The following HECW2 variants were observed in gnomAD, a reference collection of about 807,000 sequenced individuals.
HECW2 encodes the protein HECT, C2 and WW domain containing E3 ubiquitin protein ligase 2, also known as E3 ubiquitin-protein ligase HECW2.
HECW2 carries 61 observed loss-of-function variants against 175.2 expected under a neutral mutation model. The ratio of observed to expected loss-of-function variants is 0.35; its 90% CI spans 0.28 to 0.43. The LOEUF is 0.43. Ranked by LOEUF, HECW2 falls within the 20% of genes least tolerant of loss-of-function variation. The pLI, the probability that HECW2 is intolerant of heterozygous loss-of-function variation, is 1.00. For synonymous variants in HECW2, 671 were observed against 731.0 expected, an observed-to-expected ratio of 0.92 and a Z score of 1.32; for missense variants, 1,524 against 2,000.5, an observed-to-expected ratio of 0.76 and a Z score of 4.54.
intron 1 of HECW2, among the ~76,000 whole-genome samples, chr2:196,517,578 T>A (rs1344034235): frequency 6.6e-6 from 1 of 152,224 alleles, no homozygotes; most frequent in Non-Finnish European, 1.5e-5. Flanking sequence ...CTTTGGCAAG[T>A]ATCAGTATCC....
chr2:196,386,240 TA>T (rs1163955441), intron 2 of HECW2, among the ~76,000 whole-genome samples: 3 of 152,252 alleles, frequency 2.0e-5, no homozygotes, highest in Non-Finnish European at 4.4e-5. Flanking sequence ...CATATTAAGG[TA>T]AATCATATAG....
At chr2:196,518,793 T>C (rs1023925511) in intron 1 of HECW2, among the ~76,000 whole-genome samples, 1 of 152,106 alleles carries the variant, frequency 6.6e-6, no homozygotes, top group Non-Finnish European at 1.5e-5. Context: ...TGCTGCCCTC[T>C]TGCCCACCTG....
intron 13 of HECW2, among the ~76,000 whole-genome samples, chr2:196,300,263 T>A (rs1690995033): frequency 6.6e-6 from 1 of 152,244 alleles, no homozygotes; most frequent in Admixed American, 6.5e-5. Context: ...TTTGCTTACA[T>A]GTTGTCTTTG....
chr2:196,456,328 C>T (rs1260625201), intron 1 of HECW2, among the ~76,000 whole-genome samples: 1 of 152,168 alleles, frequency 6.6e-6, no homozygotes, highest in Non-Finnish European at 1.5e-5. Flanking sequence ...ATTTACTGAA[C>T]ATTTATAAAT....
chr2:196,407,001 T>A (rs1283139944), intron 2 of HECW2, among the ~76,000 whole-genome samples: 7 of 152,118 alleles, frequency 4.6e-5, no homozygotes, highest in Non-Finnish European at 1.0e-4. Flanking sequence ...GCTCCACAAG[T>A]TGGGAGACGC....
intron 14 of HECW2, among the ~76,000 whole-genome samples, chr2:196,284,532 G>C (rs1478000980): frequency 2.0e-5 from 3 of 152,202 alleles, no homozygotes; most frequent in Non-Finnish European, 4.4e-5. Context: ...GGTTTCCTTA[G>C]TGCTTTGCTT....
In HECW2 at chr2:196,195,955, T is replaced by C. The variant is rs1686672080; in HGVS notation, c.*5322A>G. 1 of 152,216 alleles carries C rather than the reference T, an allele frequency of 6.6e-6. No homozygotes were observed. Among genetic ancestry groups the C allele is most frequent in the African/African-American group, 2.4e-5 (1 of 41,458 alleles). 9.4% of individuals were successfully genotyped at this position (152,216 alleles called of 1,614,324 possible). ...CAAACTGTGCCTTCATCAGGGAGCA[T>C]AGCTTTCTTCTTCTCAGTCTGAAAC... On this transcript the variant is annotated 3_prime_UTR_variant, in exon 29 of 29. Transcript: ENST00000644978.
Position 196,381,734 on chromosome 2 carries a change from G to C in HECW2, c.293-37970C>G, listed in dbSNP as rs1356117575. 2.6e-5 allele frequency among the ~76,000 whole-genome samples: 4 copies of C among 152,230 alleles called. No homozygotes were observed. In the East Asian group the frequency reaches 7.7e-4, roughly 29 times the overall value. The stretch of plus-strand genomic sequence containing the variant: ...TGTGGACCATGACTAGAAGTCTAGT[G>C]TGATATAAAGAAGACAGCTTTCCTA... On this transcript the variant is annotated intron_variant, in intron 2 of 28. Coordinates refer to ENST00000644978, the MANE Select transcript of HECW2 (RefSeq NM_001348768.2).
intron 1 of HECW2, among the ~76,000 whole-genome samples, chr2:196,533,307 CTCTA>C (rs1688904416): frequency 6.6e-6 from 1 of 152,176 alleles, no homozygotes. Context: ...AACCAATGAC[CTCTA>C]TCTATTTCCA....
chr2:196,541,965 A>G (rs973443981), intron 1 of HECW2, among the ~76,000 whole-genome samples: 2 of 152,114 alleles, frequency 1.3e-5, no homozygotes, highest in African/African-American at 4.8e-5. Context: ...GGAATGTAAC[A>G]TAGAAAAAGA....
At chr2:196,208,058 C>T (rs1173468422) in intron 28 of HECW2, among the ~76,000 whole-genome samples, 2 of 152,160 alleles carry the variant, frequency 1.3e-5, no homozygotes, top group African/African-American at 4.8e-5. Flanking sequence ...CCCTGTAAGT[C>T]CAAACAAAAT....
chr2:196,426,719 T>C (rs917869511), intron 2 of HECW2, among the ~76,000 whole-genome samples: 5 of 152,132 alleles, frequency 3.3e-5, no homozygotes, highest in Admixed American at 2.6e-4. Flanking sequence ...AAATGAAGAC[T>C]TGGAACATAG....
At chr2:196,300,952 T>A (rs373680778) in intron 13 of HECW2, among the ~76,000 whole-genome samples, 6 of 152,054 alleles carry the variant, frequency 3.9e-5, no homozygotes, top group Non-Finnish European at 8.8e-5. Context: ...CCATGGTGGT[T>A]TGCTGCACAG....
At chr2:196,361,492 G>A (rs1693585670) in intron 2 of HECW2, among the ~76,000 whole-genome samples, 1 of 152,128 alleles carries the variant, frequency 6.6e-6, no homozygotes, top group South Asian at 2.1e-4. Context: ...ATTTTCAAAA[G>A]CATTTTCTTG....
At chr2:196,421,882 G>A (rs1695415403) in intron 2 of HECW2, among the ~76,000 whole-genome samples, 1 of 152,068 alleles carries the variant, frequency 6.6e-6, no homozygotes, top group Admixed American at 6.6e-5. Context: ...ACCAACCTAT[G>A]CAATTTTCGA....
rs1271424315 is a variant in HECW2, at chr2:196,496,438, C to T, written c.-35-62980G>A. ...TATATATATAGTACATATATTTATA[C>T]ATGCATGCATACATATAAAGTAGTT... is the stretch of plus-strand genomic sequence containing the variant. On this transcript the variant is annotated intron_variant, in intron 1 of 28. Coordinates refer to ENST00000644978, the MANE Select transcript of HECW2 (RefSeq NM_001348768.2). Among the ~76,000 whole-genome samples the T allele has an allele frequency of 1.8e-4, 28 of 152,100 alleles. 1 individual carries two copies. The South Asian group carries it at 2.1e-3, about 11-fold the overall frequency.
At chr2:196,508,151 CAA>C (rs1687830570) in intron 1 of HECW2, among the ~76,000 whole-genome samples, 2 of 152,172 alleles carry the variant, frequency 1.3e-5, no homozygotes, top group African/African-American at 2.4e-5. Flanking sequence ...TTCTGAAAAA[CAA>C]AAGTTAGGAG....
chr2:196,223,065 G>T (rs1385560398), intron 23 of HECW2, among the ~76,000 whole-genome samples: 1 of 152,048 alleles, frequency 6.6e-6, no homozygotes, highest in African/African-American at 2.4e-5. Flanking sequence ...AATTTTAAGG[G>T]TCATTTTTTT....
chr2:196,462,158 G>C (rs1696773064), intron 1 of HECW2, among the ~76,000 whole-genome samples: 1 of 151,650 alleles, frequency 6.6e-6, no homozygotes, highest in Admixed American at 6.6e-5. Context: ...ATTTTATAAA[G>C]GCAAAAAGTT....
Sources: gnomAD v4.1 joint callset for allele counts (sites outside exome capture counted in the v4.1 genomes callset) on GRCh38, gnomAD v4.1.1 for gene constraint, MANE v1.5 for transcripts, NCBI Gene and HGNC (gene_info 2026-07-23, HGNC 2026-07-21) for gene names.